The following BCAS3 variants were observed in gnomAD, a reference collection of about 807,000 sequenced individuals.
BCAS3 encodes BCAS4/BCAS3 fusion.
In BCAS3, 53 loss-of-function variants were observed where a neutral mutation model predicts 116.1. The observed-to-expected ratio is 0.46, with a 90% CI of 0.37 to 0.57. The LOEUF is 0.57. Among genes scored for constraint, BCAS3 ranks in the 20% least tolerant of loss-of-function variants. BCAS3 has a pLI of 0.00. For missense variants in BCAS3, 917 were observed against 1,165.4 expected, an observed-to-expected ratio of 0.79 and a Z score of 3.10; for synonymous variants, 391 against 408.2, an observed-to-expected ratio of 0.96 and a Z score of 0.51.
At chr17:60,958,783 C>T in intron 14 of BCAS3, among the ~76,000 whole-genome samples, 1 of 152,196 alleles carries the variant, frequency 6.6e-6, no homozygotes, top group Non-Finnish European at 1.5e-5. Flanking sequence ...CTACCTATAT[C>T]AAGACTTACT....
At position 61,189,022 on chromosome 17, in the gene BCAS3, G is replaced by A. The variant is rs1018035614; in HGVS notation, c.2425+104458G>A. Among the ~76,000 whole-genome samples, 26 of 152,088 alleles carry A rather than the reference G, an allele frequency of 1.7e-4. No individual in the cohort carries two copies. The highest frequency in any genetic ancestry group is 6.0e-4 in the African/African-American group (25 of 41,406). ...GGAGGTTAAAGCAGGAGAATTGCTT[G>A]AGGCCGGGAGATTGAGGCTGCAGTG... is the stretch of plus-strand genomic sequence containing the variant. On this transcript the variant is annotated intron_variant, in intron 22 of 23. Coordinates refer to ENST00000407086, the MANE Select transcript of BCAS3 (RefSeq NM_017679.5). The surrounding 1 kb of genome is among the most constrained non-coding windows in gnomAD (Gnocchi z 4.5).
At position 60,858,106 on chromosome 17, in the gene BCAS3, C is replaced by T. The variant is rs565035455; in HGVS notation, c.477-10470C>T. 2.6e-5 allele frequency among the ~76,000 whole-genome samples: 4 copies of T among 152,222 alleles called. No individual in the cohort carries two copies. The South Asian group carries it at 8.3e-4, about 32-fold the overall frequency. On this transcript the variant is annotated intron_variant, in intron 7 of 23. Transcript: ENST00000407086. ...AATGTTAGATTTCATTCATTATTAA[C>T]TCATTCCTTATCAGCAGAGGACTGG...
Position 61,339,033 on chromosome 17 carries a change from A to G in BCAS3, c.2426-29294A>G, listed in dbSNP as rs887323741. On this transcript the variant is annotated intron_variant, in intron 22 of 23. Coordinates refer to ENST00000407086, the MANE Select transcript of BCAS3 (RefSeq NM_017679.5). This position sits in a 1 kb window ranked among gnomAD's most constrained non-coding sequence, Gnocchi z 4.4. ...CAAAGTTTAACATCTTGGTTTTGGG[A>G]AAAAAAAAAATTCACAAAGACCCAT... Among the ~76,000 whole-genome samples the G allele has an allele frequency of 2.5e-4, 34 of 137,048 alleles. No homozygotes were observed. Among genetic ancestry groups the G allele is most frequent in the African/African-American group, 7.5e-4 (23 of 30,480 alleles). The allele number at this position is 137,048 out of a possible 152,430, so 89.9% of individuals were successfully genotyped here. A position where few individuals can be genotyped will look rare whatever the true frequency, so the allele number is the denominator to read the frequency against.
intron 7 of BCAS3, among the ~76,000 whole-genome samples, chr17:60,813,174 G>A (rs2144647175): frequency 6.6e-6 from 1 of 152,154 alleles, no homozygotes; most frequent in Non-Finnish European, 1.5e-5. Flanking sequence ...TGTCATTATG[G>A]AGGGCATTCC....
chr17:60,841,297 A>G (rs978795698), intron 7 of BCAS3, among the ~76,000 whole-genome samples: 7 of 152,116 alleles, frequency 4.6e-5, no homozygotes, highest in Non-Finnish European at 7.3e-5. Flanking sequence ...TTTGTTGCAA[A>G]AGAGAGACTG....
At chr17:60,795,565 G>C (rs749871289) in intron 6 of BCAS3, among the ~76,000 whole-genome samples, 6 of 152,098 alleles carry the variant, frequency 3.9e-5, no homozygotes, top group Non-Finnish European at 5.9e-5. Context: ...GTTATGGTTG[G>C]CTTTTATTAC....
rs899858032 is a variant in BCAS3 at position 61,348,700 on chromosome 17, C to T, written c.2426-19627C>T. 2.0e-5 allele frequency among the ~76,000 whole-genome samples: 3 copies of T among 151,860 alleles called. No homozygotes were observed. Among genetic ancestry groups the T allele is most frequent in the African/African-American group, 7.3e-5 (3 of 41,314 alleles). On this transcript the variant is annotated intron_variant, in intron 22 of 23. Transcript: ENST00000407086. The surrounding 1 kb of genome is among the most constrained non-coding windows in gnomAD (Gnocchi z 4.5). ...GGACCACATCATTGTACCTAAGCTG[C>T]CATGATCATGGGAGGACAGTCACGT...
chr17:60,963,977 C>T (rs1213557533), intron 14 of BCAS3, among the ~76,000 whole-genome samples: 1 of 152,202 alleles, frequency 6.6e-6, no homozygotes, highest in Non-Finnish European at 1.5e-5. Flanking sequence ...ATGTTGTCTG[C>T]AAACAAGGCT....
At chr17:61,052,870 A>G (rs2069008780) in intron 19 of BCAS3, among the ~76,000 whole-genome samples, 1 of 151,488 alleles carries the variant, frequency 6.6e-6, no homozygotes, top group Non-Finnish European at 1.5e-5. Flanking sequence ...GGTGTGTGCC[A>G]CCATGCCTGG....
intron 22 of BCAS3, among the ~76,000 whole-genome samples, chr17:61,257,429 A>G (rs2048874675): frequency 6.6e-6 from 1 of 151,074 alleles, no homozygotes. Flanking sequence ...TCAAAAAAAA[A>G]AAAAAAAAAA....
intron 22 of BCAS3, among the ~76,000 whole-genome samples, chr17:61,119,474 C>A (rs2075669679): frequency 6.6e-6 from 1 of 152,044 alleles, no homozygotes; most frequent in Non-Finnish European, 1.5e-5. Context: ...TGATAAAATT[C>A]AGCATTTATT....
At chr17:61,152,467 C>G (rs1254209698) in intron 22 of BCAS3, among the ~76,000 whole-genome samples, 1 of 152,092 alleles carries the variant, frequency 6.6e-6, no homozygotes, top group Admixed American at 6.6e-5. Context: ...CTCCAAGTCC[C>G]CACTCGACCC....
At position 61,276,541 on chromosome 17, in the gene BCAS3, C is replaced by G. The variant is rs1205445555; in HGVS notation, c.2426-91786C>G. ...ATCACTGGGAGAAATTACAGAAGAA[C>G]TAAATAAATGGAAAGATACTCCATG... On this transcript the variant is annotated intron_variant, in intron 22 of 23. Coordinates refer to ENST00000407086, the MANE Select transcript of BCAS3 (RefSeq NM_017679.5). This position sits in a 1 kb window ranked among gnomAD's most constrained non-coding sequence, Gnocchi z 4.2. Among the ~76,000 whole-genome samples, 1 of 152,028 alleles carries G rather than the reference C, an allele frequency of 6.6e-6. No individual in the cohort carries two copies.
intron 12 of BCAS3, 82 bp downstream of exon 12, chr17:60,910,784 C>T: frequency 8.0e-7 from 1 of 1,242,274 alleles, no homozygotes; most frequent in East Asian, 2.7e-5. Context: ...ATGTATTTGG[C>T]CTAGGAGATT....
chr17:60,942,300 G>A (rs1403873955), intron 13 of BCAS3, among the ~76,000 whole-genome samples: 5 of 152,066 alleles, frequency 3.3e-5, no homozygotes, highest in African/African-American at 7.2e-5. Context: ...GGCGGCGGGC[G>A]CCTGTGGTCC....
chr17:60,843,934 G>A (rs1429195732), intron 7 of BCAS3, among the ~76,000 whole-genome samples: 4 of 152,106 alleles, frequency 2.6e-5, no homozygotes, highest in Non-Finnish European at 5.9e-5. Flanking sequence ...GCCCTGTTTT[G>A]CGCTCATAGT....
At chr17:61,165,036 G>A (rs1265078010) in intron 22 of BCAS3, among the ~76,000 whole-genome samples, 2 of 152,256 alleles carry the variant, frequency 1.3e-5, no homozygotes, top group South Asian at 2.1e-4. Flanking sequence ...CATGCAGGTG[G>A]CTGTTAAAGA....
chr17:61,062,026 A>G (rs1443994302), intron 19 of BCAS3, among the ~76,000 whole-genome samples: 1 of 152,208 alleles, frequency 6.6e-6, no homozygotes, highest in African/African-American at 2.4e-5. Flanking sequence ...CCACTATGCA[A>G]TAAGGTCAAC....
intron 7 of BCAS3, among the ~76,000 whole-genome samples, chr17:60,836,171 TACATTGAC>T (rs986901117): frequency 2.6e-5 from 4 of 152,124 alleles, no homozygotes; most frequent in African/African-American, 4.8e-5. Flanking sequence ...TTGATGAACC[TACATTGAC>T]ACATTGACAC....
Sources: allele counts gnomAD v4.1 joint callset (sites outside exome capture counted in the v4.1 genomes callset), GRCh38; gene constraint gnomAD v4.1.1; non-coding constraint Gnocchi (gnomAD v3.1); transcripts MANE v1.5; gene names NCBI Gene and HGNC (gene_info 2026-07-23, HGNC 2026-07-21).